PHC1: variants seen among roughly 807,000 people sequenced by gnomAD.
PHC1 encodes the protein polyhomeotic-like protein 1.
A neutral mutation model predicts 104.3 loss-of-function variants in PHC1; 12 were observed. The ratio of observed to expected loss-of-function variants is 0.12; its 90% CI spans 0.07 to 0.19. PHC1 has a LOEUF of 0.19. Ranked by LOEUF, PHC1 falls within the 10% of genes least tolerant of loss-of-function variation. PHC1 has a pLI of 1.00. For synonymous variants in PHC1, 302 were observed against 455.8 expected (o/e 0.66, Z 4.30); for missense variants, 671 against 1,200.0 (o/e 0.56, Z 6.51).
chr12:8,936,129 C>A (rs944829552), intron 11 of PHC1, among the ~76,000 whole-genome samples: 10 of 152,098 alleles, frequency 6.6e-5, no homozygotes, highest in African/African-American at 2.4e-4. Flanking sequence ...ACCTATAATT[C>A]CAGTACTTTG....
chr12:8,934,003 A>C lies in PHC1; in HGVS notation c.2032A>C (p.Ser678Arg), dbSNP rs748183082. Reference sequence around the variant, plus strand: ...CCCAAAAGTCATGGACGAGAAGAGCAGTCTTGGAGGTGAGTAACTGACTTC... The same window carrying C: ...CCCAAAAGTCATGGACGAGAAGAGCCGTCTTGGAGGTGAGTAACTGACTTC... ...ESPKVMDEKS[S>R]LGEKAESVAN... The change falls in exon 9 of 15, where the codon AGT becomes CGT. Residue 678 changes from serine (S) to arginine (R), a missense_variant. Transcript: ENST00000544916. 6.2e-7 allele frequency: 1 copy of C among 1,614,160 alleles called. No individual in the cohort carries two copies.
At chr12:8,935,434 T>C (rs1323989065) in intron 11 of PHC1, among the ~76,000 whole-genome samples, 196 bp downstream of exon 11, 1 of 152,172 alleles carries the variant, frequency 6.6e-6, no homozygotes, top group Non-Finnish European at 1.5e-5. Context: ...GAGACCAGTC[T>C]GGCCAACATA....
intron 3 of PHC1, 70 bp from the exon 4 acceptor site, chr12:8,920,915 A>G (rs1345851209): frequency 9.9e-7 from 1 of 1,013,356 alleles, no homozygotes; most frequent in East Asian, 2.4e-5. Context: ...CTTGTGATTT[A>G]TTACTAGAAG....
At chr12:8,931,398 A>C (rs1945680211) in intron 7 of PHC1, among the ~76,000 whole-genome samples, 1 of 152,206 alleles carries the variant, frequency 6.6e-6, no homozygotes, top group African/African-American at 2.4e-5. Flanking sequence ...AATGCCTTAG[A>C]GCACTTAAGA....
chr12:8,929,245 G>A (rs978398417), intron 6 of PHC1, among the ~76,000 whole-genome samples: 1 of 151,974 alleles, frequency 6.6e-6, no homozygotes, highest in Non-Finnish European at 1.5e-5. Context: ...TCCATATTTT[G>A]GAGTACTGAC....
chr12:8,925,103 C>T (rs1355917740), intron 6 of PHC1, among the ~76,000 whole-genome samples: 1 of 152,156 alleles, frequency 6.6e-6, no homozygotes, highest in Non-Finnish European at 1.5e-5. Context: ...GTTAAAAATA[C>T]GCATCTGATG....
At position 8,934,970 on chromosome 12, in the gene PHC1, G is replaced by C. The variant is rs1945792713; in HGVS notation, c.2254-154G>C. On this transcript the variant is annotated intron_variant, in intron 10 of 14. Transcript: ENST00000544916. Reference sequence around the variant, plus strand: ...TGTATAGAGACCAGTTACTACTCTTGATTACCGTATTGAAAGTGATTCTCT... The same window carrying C: ...TGTATAGAGACCAGTTACTACTCTTCATTACCGTATTGAAAGTGATTCTCT... Among the ~76,000 whole-genome samples the C allele has an allele frequency of 2.6e-5, 4 of 151,860 alleles. No homozygotes were observed. In the South Asian group the frequency reaches 8.3e-4, roughly 32 times the overall value.
Position 8,922,689 on chromosome 12 carries a change from A to C in PHC1, c.513A>C (p.Leu171=). 1 of 1,606,336 alleles carries C rather than the reference A, an allele frequency of 6.2e-7. No individual in the cohort carries two copies. ...VNRTLGRNVP[L]ASQLILMPNG... is the part of the protein sequence containing the mutation. Reference sequence around the variant, plus strand: ...GAACCCTGGGTCGGAATGTGCCTCTAGCCTCCCAACTCATCCTGATGCCTA... The same window carrying C: ...GAACCCTGGGTCGGAATGTGCCTCTCGCCTCCCAACTCATCCTGATGCCTA... Residue 171 remains leucine, a synonymous_variant, in exon 6 of 15, where the codon CTA becomes CTC. Coordinates refer to ENST00000544916, the MANE Select transcript of PHC1 (RefSeq NM_004426.3).
At chr12:8,927,855 T>TTC in intron 6 of PHC1, among the ~76,000 whole-genome samples, 1 of 34,156 alleles carries the variant, frequency 2.9e-5, no homozygotes, top group Admixed American at 3.3e-4. Context: ...TGTACTAGTT[T>TTC]TCTTTCTTTC....
intron 13 of PHC1, 50 bp downstream of exon 13, chr12:8,937,376 CT>C: frequency 2.0e-6 from 3 of 1,496,602 alleles, no homozygotes; most frequent in South Asian, 1.3e-5. Flanking sequence ...GTCTTTTTTT[CT>C]TTCCCTGCAG....
At chr12:8,916,131 T>C (rs1447317490) in intron 1 of PHC1, 1 of 154,390 alleles carries the variant, frequency 6.5e-6, no homozygotes, top group East Asian at 1.9e-4. Context: ...GTAGACTAGT[T>C]GAAGCTGATA....
chr12:8,919,589 T>C lies in PHC1; in HGVS notation c.115-167T>C, dbSNP rs1408839753. Among the ~76,000 whole-genome samples, 1 of 152,144 alleles carries C rather than the reference T, an allele frequency of 6.6e-6. No homozygotes were observed. The highest frequency in any genetic ancestry group is 1.5e-5 in the Non-Finnish European group (1 of 68,018). On this transcript the variant is annotated intron_variant, in intron 2 of 14. Coordinates refer to ENST00000544916, the MANE Select transcript of PHC1 (RefSeq NM_004426.3). The surrounding 1 kb of genome is among the most constrained non-coding windows in gnomAD (Gnocchi z 4.9). ...GCCTGGTGATAGAGCAGGTTGACTT[T>C]GCTCTAAAAAAATGAAGGAAAATCA...
chr12:8,922,381 A>T (rs79377928), intron 5 of PHC1, among the ~76,000 whole-genome samples: 2,544 of 152,276 alleles, frequency 0.017, 84 homozygotes, highest in African/African-American at 0.059. Context: ...TTGTTCTAAA[A>T]TCCTAATTTT....
chr12:8,922,507 G>A (rs1200133739), intron 5 of PHC1, 126 bp from the exon 6 acceptor site: 1 of 758,886 alleles, frequency 1.3e-6, no homozygotes, highest in Non-Finnish European at 2.1e-6. Context: ...GGGTTGGTGT[G>A]GAAGAGGCAG....
intron 11 of PHC1, among the ~76,000 whole-genome samples, chr12:8,935,986 A>G (rs1565523840): frequency 6.6e-6 from 1 of 150,846 alleles, no homozygotes; most frequent in Non-Finnish European, 1.5e-5. Flanking sequence ...GTAGTCGCCA[A>G]CTCCCGACCT....
chr12:8,922,845 C>G, intron 6 of PHC1, 57 bp downstream of exon 6: 1 of 1,511,448 alleles, frequency 6.6e-7, no homozygotes, highest in Non-Finnish European at 9.1e-7. Context: ...AGGGAATGAC[C>G]ACGGACCTGG....
intron 6 of PHC1, among the ~76,000 whole-genome samples, chr12:8,925,104 G>A (rs991782511): frequency 6.6e-6 from 1 of 152,282 alleles, no homozygotes; most frequent in East Asian, 1.9e-4. Context: ...TTAAAAATAC[G>A]CATCTGATGG....
chr12:8,922,780 G>C lies in PHC1; in HGVS notation c.604G>C (p.Ala202Pro), dbSNP rs143193474. Residue 202 changes from alanine (A) to proline (P), a missense_variant, in exon 6 of 15, where the codon GCA becomes CCA. Transcript: ENST00000544916. Reference protein sequence around the residue: ...SAQSPGVHADADQVQNLAVRN... With the variant: ...SAQSPGVHADPDQVQNLAVRN... ...TCAGTCTCCTGGAGTTCATGCAGAT[G>C]CAGATCAGGTTAGTGGCGATGACTT... The C allele has an allele frequency of 1.7e-4, 274 of 1,612,856 alleles. No individual in the cohort carries two copies. The African/African-American group carries it at 3.3e-3, about 20-fold the overall frequency.
intron 6 of PHC1, among the ~76,000 whole-genome samples, chr12:8,929,947 C>T (rs1945633820): frequency 6.6e-6 from 1 of 152,206 alleles, no homozygotes; most frequent in African/African-American, 2.4e-5. Context: ...CTTCCTTGAT[C>T]TCCCTAGTCT....
Sources: allele counts gnomAD v4.1 joint callset (sites outside exome capture counted in the v4.1 genomes callset), GRCh38; gene constraint gnomAD v4.1.1; non-coding constraint Gnocchi (gnomAD v3.1); transcripts MANE v1.5; gene names NCBI Gene and HGNC (gene_info 2026-07-23, HGNC 2026-07-21).